Variants in NTM observed in about 807,000 individuals in gnomAD.
The protein encoded by NTM is IgLON family member 2.
Under a neutral mutation model 42.1 loss-of-function variants are expected in NTM, and 13 were observed. That is an observed-to-expected ratio of 0.31 (90% CI 0.20 to 0.49). NTM has a LOEUF of 0.49. NTM is among the 20% of genes least tolerant of loss of function. The probability of loss-of-function intolerance (pLI) is 0.99; values close to 1 mark genes in which losing one functional copy is unlikely to be tolerated. For synonymous variants in NTM, 187 were observed against 179.2 expected, an observed-to-expected ratio of 1.04 and a Z score of -0.35; for missense variants, 373 against 452.8, an observed-to-expected ratio of 0.82 and a Z score of 1.60.
At position 131,442,921 on chromosome 11, in the gene NTM, A is replaced by G. The variant is rs569066316; in HGVS notation, c.82+72033A>G. ...TTGATTCTGTGCCTTTACTATTGTG[A>G]GTAGTGTTGTGATAAACACACACGT... On this transcript the variant is annotated intron_variant, in intron 1 of 8. Transcript: ENST00000683400. Among the ~76,000 whole-genome samples the G allele has an allele frequency of 2.0e-5, 3 of 152,274 alleles. No homozygotes were observed. The East Asian group carries it at 5.8e-4, about 29-fold the overall frequency.
chr11:131,394,964 C>A (rs1461607794), intron 1 of NTM, among the ~76,000 whole-genome samples: 1 of 152,194 alleles, frequency 6.6e-6, no homozygotes. Context: ...ATCCAGTCAG[C>A]AACACTTTTG....
Position 132,101,582 on chromosome 11 carries a change from GTGTA to G in NTM, c.168-44696_168-44693del, listed in dbSNP as rs749085531. On this transcript the variant is annotated intron_variant, in intron 2 of 8. Transcript: ENST00000683400. ...TGTGTGTGTGTGTGTGTGTGTGTGT[GTGTA>G]TGTTTGAATGTATGTGAATATCTAT... 4.4e-4 allele frequency among the ~76,000 whole-genome samples: 67 copies of G among 151,416 alleles called. 1 individual carries two copies. The highest frequency in any genetic ancestry group is 6.3e-4 in the South Asian group (3 of 4,780).
chr11:132,309,506 T>TGTAGG (rs1277079135), intron 5 of NTM, among the ~76,000 whole-genome samples: 1 of 152,078 alleles, frequency 6.6e-6, no homozygotes, highest in African/African-American at 2.4e-5. Context: ...ACCCGTGGAG[T>TGTAGG]GTAGGGTTGA....
At chr11:131,725,227 G>C (rs1303953502) in intron 1 of NTM, among the ~76,000 whole-genome samples, 1 of 152,102 alleles carries the variant, frequency 6.6e-6, no homozygotes, top group Non-Finnish European at 1.5e-5. Context: ...ATATTTATTG[G>C]ATACTCATCA....
At chr11:131,547,742 A>C (rs967942480) in intron 1 of NTM, among the ~76,000 whole-genome samples, 1 of 152,156 alleles carries the variant, frequency 6.6e-6, no homozygotes, top group Admixed American at 6.5e-5. Flanking sequence ...ACACCCTCTC[A>C]AAGAGTTCGC....
chr11:131,668,197 G>A (rs1221684318), intron 1 of NTM, among the ~76,000 whole-genome samples: 1 of 152,146 alleles, frequency 6.6e-6, no homozygotes, highest in Non-Finnish European at 1.5e-5. Context: ...TCTTGTGGCA[G>A]AGGACTTTGG....
intron 1 of NTM, among the ~76,000 whole-genome samples, chr11:131,690,566 C>A (rs528535845): frequency 1.3e-5 from 2 of 152,360 alleles, no homozygotes; most frequent in South Asian, 2.1e-4. Flanking sequence ...GCGTTCTCTG[C>A]CCTCAGAAAC....
At chr11:131,685,165 G>T (rs1270664154) in intron 1 of NTM, among the ~76,000 whole-genome samples, 3 of 152,252 alleles carry the variant, frequency 2.0e-5, no homozygotes, top group African/African-American at 7.2e-5. Flanking sequence ...GGCCCTTTGA[G>T]ATCCTTGCAG....
intron 2 of NTM, among the ~76,000 whole-genome samples, chr11:132,000,348 C>G (rs2068956439): frequency 6.6e-6 from 1 of 152,202 alleles, no homozygotes; most frequent in Admixed American, 6.5e-5. Flanking sequence ...CTCCTTGTCT[C>G]TTTGCAAACG....
intron 2 of NTM, among the ~76,000 whole-genome samples, chr11:131,914,729 C>T (rs1420097187): frequency 6.6e-6 from 1 of 152,198 alleles, no homozygotes; most frequent in Non-Finnish European, 1.5e-5. Context: ...TTTCTGCCCT[C>T]CCGCTGGCAT....
At chr11:131,424,921 C>T (rs1426514373) in intron 1 of NTM, among the ~76,000 whole-genome samples, 3 of 146,820 alleles carry the variant, frequency 2.0e-5, no homozygotes, top group Non-Finnish European at 4.5e-5. Context: ...GCTCTGTCAC[C>T]CAGGTTGGAA....
At chr11:131,960,105 G>A (rs1012616457) in intron 2 of NTM, among the ~76,000 whole-genome samples, 3 of 152,134 alleles carry the variant, frequency 2.0e-5, no homozygotes, top group African/African-American at 7.2e-5. Context: ...AATACTTGAG[G>A]TTCTCTGTGA....
chr11:131,994,018 AAG>A (rs1476571604), intron 2 of NTM, among the ~76,000 whole-genome samples: 458 of 24,872 alleles, frequency 0.018, 3 homozygotes, highest in African/African-American at 0.066. Context: ...AAAAAAAAAA[AAG>A]AAGAAGAAGA....
intron 1 of NTM, among the ~76,000 whole-genome samples, chr11:131,852,864 ATCCATCCACCCATCCG>A (rs2045709040): frequency 1.3e-5 from 2 of 150,186 alleles, no homozygotes; most frequent in African/African-American, 4.9e-5. Context: ...CCATCTATCC[ATCCATCCACCCATCCG>A]TCCATCCATC....
intron 1 of NTM, among the ~76,000 whole-genome samples, chr11:131,576,888 A>G (rs941606977): frequency 6.6e-6 from 1 of 152,270 alleles, no homozygotes; most frequent in African/African-American, 2.4e-5. Context: ...GTGCAATAAT[A>G]TCACCAATGA....
chr11:131,725,704 G>A (rs1458220346), intron 1 of NTM, among the ~76,000 whole-genome samples: 4 of 152,206 alleles, frequency 2.6e-5, no homozygotes, highest in Admixed American at 2.6e-4. Flanking sequence ...GGGCCTTGAA[G>A]GCTGTTACAA....
intron 1 of NTM, among the ~76,000 whole-genome samples, chr11:131,680,812 T>TAGGC (rs1565415516): frequency 0.068 from 187 of 2,736 alleles, 48 homozygotes; most frequent in Middle Eastern, 0.17. Context: ...TGTGTGTGTG[T>TAGGC]ATGTGAGCTT....
intron 1 of NTM, among the ~76,000 whole-genome samples, chr11:131,726,088 A>T (rs1004258497): frequency 6.6e-6 from 1 of 152,218 alleles, no homozygotes; most frequent in Non-Finnish European, 1.5e-5. Context: ...TGAGGCCCCA[A>T]AGAAAAGGTA....
chr11:131,424,600 C>CTGTTTTTTTTTTTTTTTT (rs1947877846), intron 1 of NTM, among the ~76,000 whole-genome samples: 1 of 56,052 alleles, frequency 1.8e-5, no homozygotes, highest in Non-Finnish European at 3.2e-5. Context: ...CTTTTCTTTT[C>CTGTTTTTTTTTTTTTTTT]TTTTTTTTTT....
Sources: allele counts gnomAD v4.1 joint callset (sites outside exome capture counted in the v4.1 genomes callset), GRCh38; gene constraint gnomAD v4.1.1; transcripts MANE v1.5; gene names NCBI Gene and HGNC (gene_info 2026-07-23, HGNC 2026-07-21).